The following UGT1A6 variants were observed in gnomAD, a reference collection of about 807,000 sequenced individuals.
UGT1A6 encodes the protein UDP-glucuronosyltransferase 1A6.
Under a neutral mutation model 44.4 loss-of-function variants are expected in UGT1A6, and 32 were observed. The observed-to-expected ratio is 0.72, with a 90% CI of 0.54 to 0.97. The LOEUF (loss-of-function observed/expected upper bound fraction) is 0.97. Ranked by LOEUF, UGT1A6 falls within the 50% of genes least tolerant of loss-of-function variation. The probability of loss-of-function intolerance (pLI) is 0.00; values close to 1 mark genes in which losing one functional copy is unlikely to be tolerated. For synonymous variants in UGT1A6, 238 were observed against 248.5 expected, an observed-to-expected ratio of 0.96 and a Z score of 0.40; for missense variants, 685 against 661.9, an observed-to-expected ratio of 1.03 and a Z score of -0.38.
chr2:233,694,012 A>G lies in UGT1A6; in HGVS notation c.861+147A>G, dbSNP rs370450750. On this transcript the variant is annotated intron_variant, in intron 1 of 4. Coordinates refer to ENST00000305139, the MANE Select transcript of UGT1A6 (RefSeq NM_001072.4). The stretch of plus-strand genomic sequence containing the variant: ...TGATACCCGGCTCGGAGCAGCGGGA[A>G]CACATAGGAGACCTGAGGCTGAAGT... 2.5e-5 allele frequency: 35 copies of G among 1,424,192 alleles called. No homozygotes were observed. The African/African-American group carries it at 5.0e-4, about 20-fold the overall frequency. The allele number at this position is 1,424,192 out of a possible 1,614,324, so 88.2% of individuals were successfully genotyped here. A position where few individuals can be genotyped will look rare whatever the true frequency, so the allele number is the denominator to read the frequency against.
chr2:233,736,925 G>A lies in UGT1A6; in HGVS notation c.862-30109G>A, dbSNP rs188632907. Among the ~76,000 whole-genome samples, 72 of 152,232 alleles carry A rather than the reference G, an allele frequency of 4.7e-4. 1 individual carries two copies. The Middle Eastern group carries it at 0.014, about 29-fold the overall frequency. On this transcript the variant is annotated intron_variant, in intron 1 of 4. Coordinates refer to ENST00000305139, the MANE Select transcript of UGT1A6 (RefSeq NM_001072.4). ...CCTCTGGAAGCTTCATACCAGAGGC[G>A]CACCCACCTATATGAGGTGTCTGTT...
chr2:233,760,233 CATAT>C (rs3064744), intron 1 of UGT1A6: 2 of 1,510,040 alleles, frequency 1.3e-6, no homozygotes, highest in African/African-American at 1.4e-5. Context: ...TGGTTTTTGC[CATAT>C]ATATATATAT....
Position 233,768,582 on chromosome 2 carries a change from C to T in UGT1A6, c.1301+143C>T, listed in dbSNP as rs1179813397. On this transcript the variant is annotated intron_variant, in intron 4 of 4. Transcript: ENST00000305139. ...ATAAAAATCTGGATTTTTATTTCTT[C>T]TTTTTTTTTTTTTTTTTTTTTTGAG... 4.6e-4 allele frequency: 475 copies of T among 1,032,668 alleles called. No homozygotes were observed. In the East Asian group the frequency reaches 5.3e-3, roughly 12 times the overall value. The allele number at this position is 1,032,668 out of a possible 1,614,324, so 64.0% of individuals were successfully genotyped here.
chr2:233,749,719 G>C (rs1207301331), intron 1 of UGT1A6, among the ~76,000 whole-genome samples: 2 of 151,972 alleles, frequency 1.3e-5, no homozygotes, highest in East Asian at 3.9e-4. Context: ...CATGGGGGCA[G>C]TTTCGCACCT....
Position 233,730,281 on chromosome 2 carries a change from C to T in UGT1A6, c.861+36416C>T, listed in dbSNP as rs566860864. On this transcript the variant is annotated intron_variant, in intron 1 of 4. Transcript: ENST00000305139. ...GACTGTTGGTTTGTAAAGGCACCATCTTCATGGTTGTGCATGTCCTTCAGC... is the reference window on the plus strand; with the variant it reads ...GACTGTTGGTTTGTAAAGGCACCATTTTCATGGTTGTGCATGTCCTTCAGC... 2.6e-5 allele frequency among the ~76,000 whole-genome samples: 4 copies of T among 152,274 alleles called. No individual in the cohort carries two copies. In the South Asian group the frequency reaches 8.3e-4, roughly 32 times the overall value.
At chr2:233,724,277 C>G (rs1162056701) in intron 1 of UGT1A6, among the ~76,000 whole-genome samples, 11 of 115,820 alleles carry the variant, frequency 9.5e-5, no homozygotes, top group African/African-American at 3.2e-4. Context: ...GGCGGCTGGC[C>G]GGGCGGGGGG....
chr2:233,765,865 C>T (rs953477423), intron 1 of UGT1A6, among the ~76,000 whole-genome samples: 7 of 151,942 alleles, frequency 4.6e-5, no homozygotes, highest in South Asian at 2.1e-4. Context: ...CATGTGACAG[C>T]GGGAGGGGCT....
chr2:233,748,792 C>G (rs1168235446), intron 1 of UGT1A6, among the ~76,000 whole-genome samples: 1 of 151,266 alleles, frequency 6.6e-6, no homozygotes, highest in Non-Finnish European at 1.5e-5. Context: ...ACTTGGAATG[C>G]TGAAATTATC....
At chr2:233,746,047 C>G (rs1179932554) in intron 1 of UGT1A6, among the ~76,000 whole-genome samples, 1 of 151,694 alleles carries the variant, frequency 6.6e-6, no homozygotes, top group South Asian at 2.1e-4. Flanking sequence ...GGCTTGGATG[C>G]AGGGTCTAGA....
At chr2:233,695,268 G>C (rs1263481356) in intron 1 of UGT1A6, among the ~76,000 whole-genome samples, 1 of 151,854 alleles carries the variant, frequency 6.6e-6, no homozygotes, top group African/African-American at 2.4e-5. Flanking sequence ...TGGGACTATA[G>C]GCATGTGCCA....
chr2:233,762,086 T>A (rs1422736816), intron 1 of UGT1A6, among the ~76,000 whole-genome samples: 1 of 152,194 alleles, frequency 6.6e-6, no homozygotes, highest in African/African-American at 2.4e-5. Context: ...CCATTTCACT[T>A]AGATAGTTGT....
intron 1 of UGT1A6, chr2:233,729,148 C>A: frequency 6.2e-7 from 1 of 1,613,474 alleles, no homozygotes; most frequent in Non-Finnish European, 8.5e-7. Flanking sequence ...ACTCCAGGTT[C>A]CCCTGCCGTG....
chr2:233,735,645 G>C (rs1395226137), intron 1 of UGT1A6, among the ~76,000 whole-genome samples: 1 of 152,164 alleles, frequency 6.6e-6, no homozygotes, highest in Admixed American at 6.5e-5. Flanking sequence ...GCAGTGGCTG[G>C]TACTGGTGTT....
intron 1 of UGT1A6, 54 bp downstream of exon 1, chr2:233,693,919 C>T: frequency 6.2e-7 from 1 of 1,611,200 alleles, no homozygotes; most frequent in Non-Finnish European, 8.5e-7. Flanking sequence ...CTCTGTCCTC[C>T]CTCACTCATT....
At chr2:233,740,949 T>G (rs1205876096) in intron 1 of UGT1A6, 9 of 151,554 alleles carry the variant, frequency 5.9e-5, no homozygotes, top group Non-Finnish European at 1.0e-4. Context: ...ATTAGCTAGG[T>G]GTGGTAGCAT....
chr2:233,749,837 G>A (rs1453014378), intron 1 of UGT1A6, among the ~76,000 whole-genome samples: 4 of 151,982 alleles, frequency 2.6e-5, no homozygotes, highest in East Asian at 1.9e-4. Flanking sequence ...CATGTAAGAC[G>A]TGTCTTTGCC....
Position 233,768,300 on chromosome 2 carries a change from G to C in UGT1A6, c.1162G>C (p.Val388Leu), listed in dbSNP as rs1365887380. Residue 388 changes from valine (V) to leucine (L), a missense_variant, in exon 4 of 5, where the codon GTG becomes CTG. Coordinates refer to ENST00000305139, the MANE Select transcript of UGT1A6 (RefSeq NM_001072.4). Reference protein sequence around the residue: ...YESICNGVPMVMMPLFGDQMD... With the variant: ...YESICNGVPMLMMPLFGDQMD... ...AAGCATATGCAATGGCGTTCCCATG[G>C]TGATGATGCCCTTGTTTGGTGATCA... 1 of 1,614,196 alleles carries C rather than the reference G, an allele frequency of 6.2e-7. No homozygotes were observed. Among genetic ancestry groups the C allele is most frequent in the Admixed American group, 1.7e-5 (1 of 60,014 alleles).
intron 1 of UGT1A6, among the ~76,000 whole-genome samples, chr2:233,734,727 CG>C (rs2078556253): frequency 6.6e-6 from 1 of 150,514 alleles, no homozygotes; most frequent in East Asian, 2.0e-4. Context: ...TTGTTCTCGT[CG>C]GTTTCAAAGA....
At chr2:233,698,531 A>T (rs1411997726) in intron 1 of UGT1A6, among the ~76,000 whole-genome samples, 1 of 152,256 alleles carries the variant, frequency 6.6e-6, no homozygotes, top group Non-Finnish European at 1.5e-5. Flanking sequence ...CATAAAGTAA[A>T]CAGAACACGA....
Sources: gnomAD v4.1 joint callset for allele counts (sites outside exome capture counted in the v4.1 genomes callset) on GRCh38, gnomAD v4.1.1 for gene constraint, MANE v1.5 for transcripts, NCBI Gene and HGNC (gene_info 2026-07-23, HGNC 2026-07-21) for gene names.